NRG1: variants seen among roughly 807,000 people sequenced by gnomAD.
NRG1 encodes the protein pro-neuregulin-1, membrane-bound isoform.
In NRG1, 18 loss-of-function variants were observed where a neutral mutation model predicts 63.8. The ratio of observed to expected loss-of-function variants is 0.28; its 90% confidence interval spans 0.19 to 0.42. NRG1 has a LOEUF of 0.42. Ranked by LOEUF, NRG1 falls within the 10% of genes least tolerant of loss-of-function variation. The pLI is 1.00. For missense variants in NRG1, 762 were observed against 814.7 expected (o/e 0.94, Z 0.79); for synonymous variants, 302 against 301.3 (o/e 1.00, Z -0.02).
At chr8:32,308,776 G>C (rs7012187) in intron 1 of NRG1, among the ~76,000 whole-genome samples, 48,945 of 152,068 alleles carry the variant, frequency 0.32, 8,508 homozygotes, top group South Asian at 0.46. Context: ...ATTAAAAAAG[G>C]GGGAAAATTG....
chr8:32,722,043 G>T (rs1820785753), intron 5 of NRG1: 21 of 1,545,332 alleles, frequency 1.4e-5, no homozygotes, highest in Non-Finnish European at 1.8e-5. Flanking sequence ...GATATTACAG[G>T]TAAGGTTAAA....
At chr8:31,705,114 C>T (rs975096097) in intron 1 of NRG1, among the ~76,000 whole-genome samples, 1 of 152,070 alleles carries the variant, frequency 6.6e-6, no homozygotes, top group African/African-American at 2.4e-5. Flanking sequence ...CGGCTGACTG[C>T]AACCTCTGCC....
At chr8:31,701,131 C>T (rs1810583998) in intron 1 of NRG1, among the ~76,000 whole-genome samples, 1 of 152,150 alleles carries the variant, frequency 6.6e-6, no homozygotes, top group Non-Finnish European at 1.5e-5. Flanking sequence ...TTTATCTTCT[C>T]TGTGACGATT....
At chr8:32,717,514 G>A (rs183267893) in intron 5 of NRG1, among the ~76,000 whole-genome samples, 6 of 152,132 alleles carry the variant, frequency 3.9e-5, no homozygotes, top group Non-Finnish European at 8.8e-5. Context: ...GGAGTTGTGG[G>A]AAAATATATG....
chr8:32,763,099 G>A (rs748769703), intron 11 of NRG1: 176 of 1,061,058 alleles, frequency 1.7e-4, no homozygotes, highest in Non-Finnish European at 2.4e-4. Flanking sequence ...CACTGGGATG[G>A]ATAGTTCCAA....
intron 1 of NRG1, among the ~76,000 whole-genome samples, chr8:32,321,565 C>A (rs1338397982): frequency 1.4e-5 from 2 of 147,742 alleles, no homozygotes; most frequent in Admixed American, 1.4e-4. Flanking sequence ...ATAATGATTT[C>A]CATGGGCTGG....
At chr8:32,077,621 G>A (rs1381870) in intron 1 of NRG1, among the ~76,000 whole-genome samples, 147,991 of 152,286 alleles carry the variant, frequency 0.97, 72,055 homozygotes, top group East Asian at 1. Context: ...CTGGCAAAAT[G>A]TAATTACGAT....
intron 1 of NRG1, among the ~76,000 whole-genome samples, chr8:32,325,857 A>G (rs955165358): frequency 2.3e-4 from 35 of 152,312 alleles, no homozygotes; most frequent in African/African-American, 8.4e-4. Context: ...TCCACAGGCT[A>G]TTGCTTACAG....
At chr8:32,608,083 G>GTTTTTT (rs372730003) in intron 3 of NRG1, among the ~76,000 whole-genome samples, 2 of 99,326 alleles carry the variant, frequency 2.0e-5, no homozygotes, top group African/African-American at 8.9e-5. Context: ...ATGAACCCAG[G>GTTTTTT]TTTTTTTTGT....
intron 1 of NRG1, among the ~76,000 whole-genome samples, chr8:31,830,993 C>G (rs1428477560): frequency 6.6e-6 from 1 of 151,978 alleles, no homozygotes; most frequent in Non-Finnish European, 1.5e-5. Flanking sequence ...ACTTGGGTGT[C>G]ATTACCAAGA....
At chr8:32,691,499 AG>A (rs1563956961) in intron 5 of NRG1, among the ~76,000 whole-genome samples, 1 of 152,218 alleles carries the variant, frequency 6.6e-6, no homozygotes, top group African/African-American at 2.4e-5. Flanking sequence ...AAATTGCACT[AG>A]TCATGCTGTT....
At chr8:32,440,717 CTCA>C (rs1238809234) in intron 1 of NRG1, 1 of 152,088 alleles carries the variant, frequency 6.6e-6, no homozygotes, top group Admixed American at 6.6e-5. Context: ...ATGTCACAAA[CTCA>C]TCAAGACTGT....
In NRG1 at chr8:32,143,496, T is replaced by C. The variant is rs540377954; in HGVS notation, c.38-452332T>C. 2.0e-5 allele frequency among the ~76,000 whole-genome samples: 3 copies of C among 152,286 alleles called. No homozygotes were observed. In the East Asian group the frequency reaches 5.8e-4, roughly 29 times the overall value. On this transcript the variant is annotated intron_variant, in intron 1 of 10. Transcript: ENST00000519301. ...GTTGGTTTACTGCCCTTCCCCAATG[T>C]TTCTACCAAGCTGAACATGTATCCA...
intron 1 of NRG1, among the ~76,000 whole-genome samples, chr8:31,864,981 A>T (rs1563501016): frequency 6.6e-6 from 1 of 152,156 alleles, no homozygotes; most frequent in Non-Finnish European, 1.5e-5. Flanking sequence ...TTATCAAAGA[A>T]GGCCTTTATT....
chr8:31,870,469 A>G (rs941590656), intron 1 of NRG1, among the ~76,000 whole-genome samples: 1 of 152,140 alleles, frequency 6.6e-6, no homozygotes, highest in African/African-American at 2.4e-5. Flanking sequence ...AACTTGAGGT[A>G]TGTTGGTCTT....
intron 1 of NRG1, among the ~76,000 whole-genome samples, chr8:31,748,580 G>A (rs1176296506): frequency 6.6e-6 from 1 of 151,868 alleles, no homozygotes; most frequent in Non-Finnish European, 1.5e-5. Flanking sequence ...CTGACCTAGA[G>A]CAGTGACATT....
intron 2 of NRG1, among the ~76,000 whole-genome samples, chr8:32,596,567 T>G (rs1385184713): frequency 6.8e-6 from 1 of 146,928 alleles, no homozygotes; most frequent in Non-Finnish European, 1.5e-5. Flanking sequence ...GCCACCGCAC[T>G]CCAGCCTGGG....
chr8:32,338,507 G>A (rs554520206), intron 1 of NRG1, among the ~76,000 whole-genome samples: 21 of 152,176 alleles, frequency 1.4e-4, no homozygotes, highest in African/African-American at 4.1e-4. Context: ...ATGTCTGTAC[G>A]CTAGGAGAAT....
intron 1 of NRG1, among the ~76,000 whole-genome samples, chr8:32,573,998 C>A (rs1471457143): frequency 6.6e-6 from 1 of 152,138 alleles, no homozygotes; most frequent in Non-Finnish European, 1.5e-5. Context: ...TTTTTTATGG[C>A]TGCATAGTAT....
Sources: allele counts gnomAD v4.1 joint callset (sites outside exome capture counted in the v4.1 genomes callset), GRCh38; gene constraint gnomAD v4.1.1; transcripts MANE v1.5; gene names NCBI Gene and HGNC (gene_info 2026-07-23, HGNC 2026-07-21).